SCARF2: variants seen among roughly 807,000 people sequenced by gnomAD.
SCARF2 encodes scavenger receptor expressed by endothelial cells 2 protein.
Under a neutral mutation model 73.4 loss-of-function variants are expected in SCARF2, and 39 were observed. The ratio of observed to expected loss-of-function variants is 0.53; its 90% confidence interval spans 0.41 to 0.69. The LOEUF (loss-of-function observed/expected upper bound fraction) is 0.69. SCARF2 is among the 30% of genes least tolerant of loss of function. The pLI is 0.00. For missense variants in SCARF2, 1,148 were observed against 1,303.5 expected (o/e 0.88, Z 1.84); for synonymous variants, 605 against 590.0 (o/e 1.03, Z -0.37).
rs761975902 is a variant in SCARF2, at chr22:20,425,125, C to T, written c.*250G>A. On this transcript the variant is annotated 3_prime_UTR_variant, in exon 11 of 11. Coordinates refer to ENST00000622235, the MANE Select transcript of SCARF2 (RefSeq NM_182895.5). The surrounding 1 kb of genome is among the most constrained non-coding windows in gnomAD (Gnocchi z 4.6). ...TGTCTGGTCGGAGCGCTCCATAACT[C>T]GGCCAATGGGGAGGGAGTCGCCCGC... The T allele has an allele frequency of 1.8e-4, 71 of 390,584 alleles. No homozygotes were observed. Among genetic ancestry groups the T allele is most frequent in the Non-Finnish European group, 2.8e-4 (62 of 221,390 alleles). The allele number at this position is 390,584 out of a possible 1,614,324, so 24.2% of individuals were successfully genotyped here. A position where few individuals can be genotyped will look rare whatever the true frequency, so the allele number is the denominator to read the frequency against.
rs746996253 is a variant in SCARF2, at chr22:20,425,543, C to A, written c.2433G>T (p.Ser811=). 2.2e-6 allele frequency: 3 copies of A among 1,337,168 alleles called. No individual in the cohort carries two copies. Among genetic ancestry groups the A allele is most frequent in the Admixed American group, 3.8e-5 (1 of 26,176 alleles). 82.8% of individuals were successfully genotyped at this position (1,337,168 alleles called of 1,614,324 possible). A position where few individuals can be genotyped will look rare whatever the true frequency, so the allele number is the denominator to read the frequency against. The change falls in exon 11 of 11, where the codon TCG becomes TCT. Residue 811 remains serine, a synonymous_variant. Coordinates refer to ENST00000622235, the MANE Select transcript of SCARF2 (RefSeq NM_182895.5). This position sits in a 1 kb window ranked among gnomAD's most constrained non-coding sequence, Gnocchi z 4.6. ...QKAKRSVPPA[S]PARAPPATET... ...CGGTCGCTGGGGGCGCGCGGGCGGGCGAGGCTGGCGGCACGGAGCGCTTGG... is the reference window on the plus strand; with the variant it reads ...CGGTCGCTGGGGGCGCGCGGGCGGGAGAGGCTGGCGGCACGGAGCGCTTGG...
intron 1 of SCARF2, 120 bp from the exon 2 acceptor site, chr22:20,432,108 G>A (rs909998969): frequency 9.5e-7 from 1 of 1,055,976 alleles, no homozygotes; most frequent in South Asian, 1.3e-5. Context: ...CTGTCCTAGG[G>A]GGGTGGTTAA....
Position 20,427,598 on chromosome 22 carries a change from C to T in SCARF2, c.1541-48G>A, listed in dbSNP as rs537438372. The T allele has an allele frequency of 5.7e-5, 91 of 1,605,426 alleles. No individual in the cohort carries two copies. The Middle Eastern group carries it at 8.9e-4, about 16-fold the overall frequency. ...TGCCAGGGGTCCACTCTGCCCCAGC[C>T]GGTGCCCTCATTAGCCCCTGCTGTG... On this transcript the variant is annotated intron_variant, in intron 9 of 10. Coordinates refer to ENST00000622235, the MANE Select transcript of SCARF2 (RefSeq NM_182895.5).
rs1162570107 is a variant in SCARF2 at position 20,430,868 on chromosome 22, C to T, written c.895G>A (p.Glu299Lys). The change falls in exon 5 of 11, where the codon GAG becomes AAG. Residue 299 changes from glutamate to lysine, a missense_variant. This residue lies in a region of SCARF2 where 372 missense variants were observed against 532.0 expected (regional missense o/e 0.70). Transcript: ENST00000622235. ...GGCTCGCACGTCAAGCAGCGGCCCTCGGCCACCGTGCACGGCTGCTGGCCC... is the reference window on the plus strand; with the variant it reads ...GGCTCGCACGTCAAGCAGCGGCCCTTGGCCACCGTGCACGGCTGCTGGCCC... ...CKGQQPCTVA[E>K]GRCLTCEPGW... is the part of the protein sequence containing the mutation. 3 of 1,604,990 alleles carry T rather than the reference C, an allele frequency of 1.9e-6. No homozygotes were observed. Among genetic ancestry groups the T allele is most frequent in the Non-Finnish European group, 2.5e-6 (3 of 1,178,026 alleles).
At position 20,427,653 on chromosome 22, in the gene SCARF2, C is replaced by T. The variant is rs2052595788; in HGVS notation, c.1541-103G>A. On this transcript the variant is annotated intron_variant, in intron 9 of 10. Coordinates refer to ENST00000622235, the MANE Select transcript of SCARF2 (RefSeq NM_182895.5). ...ATGTTGATGGGGTGACCAAGACCAG[C>T]CCTATTCTTGGACTGCAGGGGGCAC... The T allele has an allele frequency of 2.1e-6, 3 of 1,402,736 alleles. No individual in the cohort carries two copies. In the Admixed American group the frequency reaches 5.9e-5, roughly 28 times the overall value. 86.9% of individuals were successfully genotyped at this position (1,402,736 alleles called of 1,614,324 possible).
In SCARF2 at chr22:20,434,417, G is replaced by A. The variant is rs1278160586; in HGVS notation, c.174-2429C>T. Among the ~76,000 whole-genome samples the A allele has an allele frequency of 2.0e-5, 3 of 152,352 alleles. No homozygotes were observed. The East Asian group carries it at 5.8e-4, about 29-fold the overall frequency. On this transcript the variant is annotated intron_variant, in intron 1 of 10. Transcript: ENST00000622235. ...TAAGCACAAAGGATCCTGAGCACAGGCTGCAGTGCCTCTGAGTGCACTCGG... is the reference window on the plus strand; with the variant it reads ...TAAGCACAAAGGATCCTGAGCACAGACTGCAGTGCCTCTGAGTGCACTCGG...
At position 20,430,899 on chromosome 22, in the gene SCARF2, C is replaced by G. The variant is rs1232984300; in HGVS notation, c.864G>C (p.Gln288His). Residue 288 changes from glutamine (Q) to histidine (H), a missense_variant, in exon 5 of 11, where the codon CAG (glutamine) becomes CAC (histidine). Physicochemically the swap from Gln to His is conservative, Grantham distance 24. Transcript: ENST00000622235. ...CCGTGCACGGCTGCTGGCCCTTGCACTGGCCACACCTGGGGGAGGGGTCGG... is the reference window on the plus strand; with the variant it reads ...CCGTGCACGGCTGCTGGCCCTTGCAGTGGCCACACCTGGGGGAGGGGTCGG... The part of the protein sequence containing the change: ...YGLGCRRRCG[Q>H]CKGQQPCTVA... 2 of 1,594,350 alleles carry G rather than the reference C, an allele frequency of 1.3e-6. No homozygotes were observed. The highest frequency in any genetic ancestry group is 1.3e-5 in the African/African-American group (1 of 74,774).
rs759980188 is a variant in SCARF2, at chr22:20,425,875, G to T, written c.2101C>A (p.Pro701Thr). The T allele has an allele frequency of 1.9e-6, 3 of 1,597,226 alleles. No homozygotes were observed. Among genetic ancestry groups the T allele is most frequent in the Non-Finnish European group, 2.6e-6 (3 of 1,175,004 alleles). ...ACCGTATGCGCCGATTTGTCGCTGG[G>T]CGTCCGTTTCCTCTTGCTGGGGCTG... ...APSPSKRKRT[P>T]SDKSAHTVEH... Residue 701 changes from proline (P) to threonine (T), a missense_variant, in exon 11 of 11, where the codon CCC (proline) becomes ACC (threonine). Transcript: ENST00000622235. The surrounding 1 kb of genome is among the most constrained non-coding windows in gnomAD (Gnocchi z 4.6).
At chr22:20,430,983 ACCT>A (rs2052638667) in intron 4 of SCARF2, 32 bp downstream of exon 4, 4 of 1,564,826 alleles carry the variant, frequency 2.6e-6, no homozygotes, top group Non-Finnish European at 3.4e-6. Context: ...CCGCCCTTCC[ACCT>A]CCTCCCTCCC....
Position 20,431,841 on chromosome 22 carries a change from A to C in SCARF2, c.238T>G (p.Cys80Gly). 6.3e-7 allele frequency: 1 copy of C among 1,598,168 alleles called. No homozygotes were observed. The highest frequency in any genetic ancestry group is 8.5e-7 in the Non-Finnish European group (1 of 1,173,542). Residue 80 changes from cysteine to glycine, a missense_variant, in exon 3 of 11, where the codon TGC becomes GGC. Cys to Gly is a radical substitution (Grantham distance 159). This residue lies in a region of SCARF2 where 124 missense variants were observed against 120.4 expected (regional missense o/e 1.03). Transcript: ENST00000622235. ...QQGDECGIAV[C>G]EGNSTCSENE... ...TCTGAGCACGTGGAGTTGCCTTCGC[A>C]CACCGCTGTGGACGAGACAGGCCAG...
rs1460832868 is a variant in SCARF2 at position 20,430,806 on chromosome 22, G to T, written c.957C>A (p.Ala319=). The stretch of plus-strand genomic sequence containing the variant: ...TGCAGCCCTCGCCATAGAAACCGGT[G>T]GCGCAAGGCTGGTCGCACTTGGTTC... The part of the protein sequence containing the change: ...WNGTKCDQPC[A]TGFYGEGCSH... The change falls in exon 5 of 11, where the codon GCC becomes GCA. Residue 319 remains alanine, a synonymous_variant. Transcript: ENST00000622235. The T allele has an allele frequency of 6.2e-7, 1 of 1,606,880 alleles. No homozygotes were observed. The highest frequency in any genetic ancestry group is 1.3e-5 in the African/African-American group (1 of 74,980).
chr22:20,427,540 G>T lies in SCARF2; in HGVS notation c.1551C>A (p.His517Gln). 1 of 1,613,294 alleles carries T rather than the reference G, an allele frequency of 6.2e-7. No homozygotes were observed. The highest frequency in any genetic ancestry group is 8.5e-7 in the Non-Finnish European group (1 of 1,179,986). ...QKLPKVVVAH[H>Q]DLDNTLNCSF... ...TGCAGTTGAGTGTGTTATCCAGGTC[G>T]TGGTGGGCCACTGGGGAAGGATGAG... The change falls in exon 10 of 11, where the codon CAC becomes CAA. Residue 517 changes from histidine to glutamine, a missense_variant. Transcript: ENST00000622235.
rs2052620321 is a variant in SCARF2, at chr22:20,429,668, G to A, written c.1307-15C>T. The A allele has an allele frequency of 6.2e-7, 1 of 1,613,902 alleles. No individual in the cohort carries two copies. ...CTGGTTGGTTTCTGTAGGGGGTTAT[G>A]GGGTCAGCGCGGTTTCTGGCACCCC... On this transcript the variant is annotated splice_polypyrimidine_tract_variant and intron_variant, in intron 7 of 10. Transcript: ENST00000622235. This position sits in a 1 kb window ranked among gnomAD's most constrained non-coding sequence, Gnocchi z 5.2.
chr22:20,431,498 A>C lies in SCARF2; in HGVS notation c.374T>G (p.Leu125Arg). The C allele has an allele frequency of 2.5e-6, 4 of 1,577,270 alleles. No individual in the cohort carries two copies. The highest frequency in any genetic ancestry group is 3.4e-6 in the Non-Finnish European group (4 of 1,170,166). ...RQFWGPDCKE[L>R]CSCHPHGQCE... ...CTGCCCGTGTGGGTGGCAGCTACAC[A>C]GCTCCTTGCAGTCGGGGCCCCAGAA... The change falls in exon 4 of 11, where the codon CTG becomes CGG. Residue 125 changes from leucine to arginine, a missense_variant. Physicochemically the swap from Leu to Arg is moderately radical, Grantham distance 102. Transcript: ENST00000622235.
chr22:20,426,673 G>A (rs957557749), intron 10 of SCARF2, among the ~76,000 whole-genome samples: 5 of 152,196 alleles, frequency 3.3e-5, no homozygotes, highest in African/African-American at 1.2e-4. Flanking sequence ...GGTGGCTCAC[G>A]CCTGTAATCC....
rs776515068 is a variant in SCARF2 at position 20,425,552 on chromosome 22, C to T, written c.2424G>A (p.Pro808=). 7 of 1,337,112 alleles carry T rather than the reference C, an allele frequency of 5.2e-6. No homozygotes were observed. Among genetic ancestry groups the T allele is most frequent in the South Asian group, 3.8e-5 (2 of 52,776 alleles). 82.8% of individuals were successfully genotyped at this position (1,337,112 alleles called of 1,614,324 possible). The part of the protein sequence containing the change: ...APPQKAKRSV[P]PASPARAPPA... ...GGGGCGCGCGGGCGGGCGAGGCTGG[C>T]GGCACGGAGCGCTTGGCTTTCTGTG... Residue 808 remains proline, a synonymous_variant, in exon 11 of 11, where the codon CCG becomes CCA. Coordinates refer to ENST00000622235, the MANE Select transcript of SCARF2 (RefSeq NM_182895.5). This position sits in a 1 kb window ranked among gnomAD's most constrained non-coding sequence, Gnocchi z 4.6.
At position 20,426,203 on chromosome 22, in the gene SCARF2, G is replaced by T. The variant is rs2052576669; in HGVS notation, c.1773C>A (p.Thr591=). 2 of 1,524,178 alleles carry T rather than the reference G, an allele frequency of 1.3e-6. No homozygotes were observed. The highest frequency in any genetic ancestry group is 1.8e-6 in the Non-Finnish European group (2 of 1,141,922). The allele number at this position is 1,524,178 out of a possible 1,614,324, so 94.4% of individuals were successfully genotyped here. The change falls in exon 11 of 11, where the codon ACC becomes ACA. Residue 591 remains threonine, a synonymous_variant. Coordinates refer to ENST00000622235, the MANE Select transcript of SCARF2 (RefSeq NM_182895.5). ...EAPAPSPVPL[T]TPASAEEAIP... is the part of the protein sequence containing the mutation. ...TCGCCTCCTCGGCGGAGGCTGGCGTGGTCAAGGGCACAGGGGACGGCGCCG... is the reference window on the plus strand; with the variant it reads ...TCGCCTCCTCGGCGGAGGCTGGCGTTGTCAAGGGCACAGGGGACGGCGCCG...
In SCARF2 at chr22:20,429,370, G is replaced by T. The variant is rs756249364; in HGVS notation, c.1425-30C>A. Reference sequence around the variant, plus strand: ...GGGGGCGGGGTCTGAGCGGAGGGGCGGGGCCGGGGCGGGGCCCAGGGGCGA... The same window carrying T: ...GGGGGCGGGGTCTGAGCGGAGGGGCTGGGCCGGGGCGGGGCCCAGGGGCGA... On this transcript the variant is annotated intron_variant, in intron 8 of 10. Transcript: ENST00000622235. The surrounding 1 kb of genome is among the most constrained non-coding windows in gnomAD (Gnocchi z 5.2). 8 of 1,572,548 alleles carry T rather than the reference G, an allele frequency of 5.1e-6. No homozygotes were observed. In the Admixed American group the frequency reaches 1.3e-4, roughly 25 times the overall value.
At position 20,430,508 on chromosome 22, in the gene SCARF2, C is replaced by G; in HGVS notation, c.1123G>C (p.Val375Leu). ...TGTCCGCTGCCGCAGTCGGCGCACA[C>G]GAAGGCGCAGTCCTCGCCGTAAGTG... ...NGTYGEDCAFVCADCGSGHCD... is the reference protein window; with the variant it reads ...NGTYGEDCAFLCADCGSGHCD... Residue 375 changes from valine (V) to leucine (L), a missense_variant, in exon 6 of 11, where the codon GTG (valine) becomes CTG (leucine). By Grantham distance (32) the Val-to-Leu change is conservative. This residue lies in a region of SCARF2 where 372 missense variants were observed against 532.0 expected (regional missense o/e 0.70). Transcript: ENST00000622235. 1.0e-5 allele frequency: 16 copies of G among 1,605,508 alleles called. No homozygotes were observed. Among genetic ancestry groups the G allele is most frequent in the Non-Finnish European group, 1.2e-5 (14 of 1,176,602 alleles).
Sources: gnomAD v4.1 joint callset for allele counts (sites outside exome capture counted in the v4.1 genomes callset) on GRCh38, gnomAD v4.1.1 for gene constraint, gnomAD v4.1.1 regional missense constraint, Gnocchi (gnomAD v3.1) non-coding constraint, MANE v1.5 for transcripts, NCBI Gene and HGNC (gene_info 2026-07-23, HGNC 2026-07-21) for gene names.